Variants in KMT2A observed in about 807,000 individuals in gnomAD.
KMT2A encodes lysine methyltransferase 2A.
Under a neutral mutation model 345.3 loss-of-function variants are expected in KMT2A, and 16 were observed. The observed-to-expected ratio is 0.05, with a 90% CI of 0.03 to 0.07. KMT2A has a LOEUF of 0.07. KMT2A is among the 10% of genes least tolerant of loss of function. The pLI is 1.00. For synonymous variants in KMT2A, 1,599 were observed against 1,778.6 expected, an observed-to-expected ratio of 0.90 and a Z score of 2.54; for missense variants, 3,272 against 4,841.6, an observed-to-expected ratio of 0.68 and a Z score of 9.62.
Position 118,504,509 on chromosome 11 carries a change from T to C in KMT2A, c.8617T>C (p.Ser2873Pro). ...MQALGESPESSSSELLNLGEG... is the reference protein window; with the variant it reads ...MQALGESPESPSSELLNLGEG... ...GGCTTTGGGTGAGAGCCCAGAGTCA[T>C]CTTCATCAGAACTCCTGAATCTTGG... Residue 2873 changes from serine (S) to proline (P), a missense_variant, in exon 27 of 36, where the codon TCT becomes CCT. By Grantham distance (74) the Ser-to-Pro change is moderately conservative (BLOSUM62 -1). Around this residue, in one of 27 missense-constraint regions of KMT2A, gnomAD observed 17 missense variants for 50.6 expected, o/e 0.34. Coordinates refer to ENST00000534358, the MANE Select transcript of KMT2A (RefSeq NM_001197104.2). This position sits in a 1 kb window ranked among gnomAD's most constrained non-coding sequence, Gnocchi z 6.4. 6.2e-7 allele frequency: 1 copy of C among 1,614,200 alleles called. No individual in the cohort carries two copies. Among genetic ancestry groups the C allele is most frequent in the African/African-American group, 1.3e-5 (1 of 75,066 alleles).
chr11:118,517,621 C>G (rs1555051960), intron 31 of KMT2A, among the ~76,000 whole-genome samples: 3 of 152,068 alleles, frequency 2.0e-5, no homozygotes, highest in African/African-American at 4.8e-5. Context: ...AGGAGGATCA[C>G]TCGAGGCCAG....
rs1323135134 is a variant in KMT2A at position 118,491,456 on chromosome 11, C to T, written c.4819+138C>T. 1.9e-5 allele frequency: 16 copies of T among 844,958 alleles called. No homozygotes were observed. In the East Asian group the frequency reaches 4.4e-4, roughly 23 times the overall value. 52.3% of individuals were successfully genotyped at this position (844,958 alleles called of 1,614,324 possible). ...TTTATTTTTTAGTCTCTAGAATAAGCAGCATTGTATTATTTGTGCTCACTT... is the reference window on the plus strand; with the variant it reads ...TTTATTTTTTAGTCTCTAGAATAAGTAGCATTGTATTATTTGTGCTCACTT... On this transcript the variant is annotated intron_variant, in intron 14 of 35. Transcript: ENST00000534358. The surrounding 1 kb of genome is among the most constrained non-coding windows in gnomAD (Gnocchi z 4.2).
Position 118,521,207 on chromosome 11 carries a change from C to A in KMT2A, c.11514-81C>A. The A allele has an allele frequency of 6.8e-7, 1 of 1,472,076 alleles. No homozygotes were observed. The highest frequency in any genetic ancestry group is 9.4e-7 in the Non-Finnish European group (1 of 1,066,712). 91.2% of individuals were successfully genotyped at this position (1,472,076 alleles called of 1,614,324 possible). A position where few individuals can be genotyped will look rare whatever the true frequency, so the allele number is the denominator to read the frequency against. On this transcript the variant is annotated intron_variant, in intron 34 of 35. Coordinates refer to ENST00000534358, the MANE Select transcript of KMT2A (RefSeq NM_001197104.2). The surrounding 1 kb of genome is among the most constrained non-coding windows in gnomAD (Gnocchi z 5.3). ...TGTCCCTCCTGGGGAACTAACAGAC[C>A]AGGAGAACTTATTCATGTATTCACG...
At position 118,481,997 on chromosome 11, in the gene KMT2A, C is replaced by T. The variant is rs1555039426; in HGVS notation, c.3917C>T (p.Pro1306Leu). The T allele has an allele frequency of 3.1e-6, 5 of 1,614,048 alleles. No homozygotes were observed. The highest frequency in any genetic ancestry group is 2.7e-5 in the African/African-American group (2 of 74,914). The change falls in exon 7 of 36, where the codon CCG (proline) becomes CTG (leucine). Residue 1306 changes from proline (P) to leucine (L), a missense_variant. By Grantham distance (98) the Pro-to-Leu change is moderately conservative (BLOSUM62 -3). This residue lies in a region of KMT2A where 168 missense variants were observed against 216.0 expected (regional missense o/e 0.78). Transcript: ENST00000534358. ...GTCTCCCAGCCAGCACTGGTCATCC[C>T]GCCTCAGCCACCTACTACAGGACCG... ...KQVSQPALVI[P>L]PQPPTTGPPR...
intron 1 of KMT2A, among the ~76,000 whole-genome samples, chr11:118,456,319 T>G (rs577998661): frequency 1.3e-4 from 20 of 152,036 alleles, no homozygotes; most frequent in Non-Finnish European, 2.2e-4. Context: ...AGACCTCATC[T>G]CTACTAAAAA....
At chr11:118,517,395 CAAA>C (rs11436622) in intron 31 of KMT2A, among the ~76,000 whole-genome samples, 4 of 113,904 alleles carry the variant, frequency 3.5e-5, no homozygotes, top group Non-Finnish European at 5.2e-5. Context: ...GACTCTGTCT[CAAA>C]AAAAAAAAAA....
chr11:118,498,282 T>C lies in KMT2A; in HGVS notation c.5803-88T>C. 3.9e-6 allele frequency: 5 copies of C among 1,279,474 alleles called. No individual in the cohort carries two copies. The highest frequency in any genetic ancestry group is 1.4e-5 in the South Asian group (1 of 70,790). The allele number at this position is 1,279,474 out of a possible 1,614,324, so 79.3% of individuals were successfully genotyped here. On this transcript the variant is annotated intron_variant, in intron 21 of 35. Coordinates refer to ENST00000534358, the MANE Select transcript of KMT2A (RefSeq NM_001197104.2). This position sits in a 1 kb window ranked among gnomAD's most constrained non-coding sequence, Gnocchi z 4.4. ...TAGATAAAATGAATTGTAGGAACTG[T>C]AGAATGGGATGAGTCTATAGAGGAG...
Position 118,509,206 on chromosome 11 carries a change from TG to T in KMT2A, c.10900+9del. 1 of 1,610,876 alleles carries T rather than the reference TG, an allele frequency of 6.2e-7. No individual in the cohort carries two copies. On this transcript the variant is annotated splice_region_variant and intron_variant, in intron 29 of 35. Coordinates refer to ENST00000534358, the MANE Select transcript of KMT2A (RefSeq NM_001197104.2). ...AAATGAACAAGAAAGTGCAGGTATG[TG>T]GGTGGGTAAAAGGTTAGAATCAGAG...
rs781931131 is a variant in KMT2A, at chr11:118,468,705, G to A, written c.433-70G>A. ...CCAAATTCATTTGTGTCTCCTCTGG[G>A]CATTTCTTTGGGATGTGTTTGTATG... On this transcript the variant is annotated intron_variant, in intron 1 of 35. Coordinates refer to ENST00000534358, the MANE Select transcript of KMT2A (RefSeq NM_001197104.2). 6.8e-6 allele frequency: 8 copies of A among 1,171,006 alleles called. No individual in the cohort carries two copies. In the South Asian group the frequency reaches 9.7e-5, roughly 14 times the overall value. The allele number at this position is 1,171,006 out of a possible 1,614,324, so 72.5% of individuals were successfully genotyped here.
rs1555036242 is a variant in KMT2A at position 118,473,116 on chromosome 11, C to T, written c.1957C>T (p.Pro653Ser). 1.2e-6 allele frequency: 2 copies of T among 1,614,160 alleles called. No homozygotes were observed. Among genetic ancestry groups the T allele is most frequent in the South Asian group, 1.1e-5 (1 of 91,090 alleles). The change falls in exon 3 of 36, where the codon CCC (proline) becomes TCC (serine). Residue 653 changes from proline to serine, a missense_variant. By Grantham distance (74) the Pro-to-Ser change is moderately conservative. Transcript: ENST00000534358. The surrounding 1 kb of genome is among the most constrained non-coding windows in gnomAD (Gnocchi z 5.2). Reference sequence around the variant, plus strand: ...CAAACCAATATTTGATAATTTCCGACCCCCTCCACTAACTCCCGAGGACGT... The same window carrying T: ...CAAACCAATATTTGATAATTTCCGATCCCCTCCACTAACTCCCGAGGACGT... ...IRKPIFDNFRPPPLTPEDVGF... is the reference protein window; with the variant it reads ...IRKPIFDNFRSPPLTPEDVGF...
In KMT2A at chr11:118,525,011, A is replaced by G; in HGVS notation, c.*2839A>G. 1 of 213,420 alleles carries G rather than the reference A, an allele frequency of 4.7e-6. No individual in the cohort carries two copies. Among genetic ancestry groups the G allele is most frequent in the Non-Finnish European group, 9.5e-6 (1 of 105,164 alleles). 13.2% of individuals were successfully genotyped at this position (213,420 alleles called of 1,614,324 possible). ...CACAAAAATGAGAAATTCCTCTTCTAGCTCAGCCTTGAGTCCATTGCCAAA... is the reference window on the plus strand; with the variant it reads ...CACAAAAATGAGAAATTCCTCTTCTGGCTCAGCCTTGAGTCCATTGCCAAA... On this transcript the variant is annotated 3_prime_UTR_variant, in exon 36 of 36. Coordinates refer to ENST00000534358, the MANE Select transcript of KMT2A (RefSeq NM_001197104.2).
At position 118,503,112 on chromosome 11, in the gene KMT2A, T is replaced by A; in HGVS notation, c.7220T>A (p.Leu2407Gln). ...DEDTEVKTLK[L>Q]SGMSNRSSII... The stretch of plus-strand genomic sequence containing the variant: ...GATACTGAAGTCAAAACCTTGAAGC[T>A]ATCTGGAATGAGCAACAGATCATCC... The change falls in exon 27 of 36, where the codon CTA becomes CAA. Residue 2407 changes from leucine (L) to glutamine (Q), a missense_variant. Transcript: ENST00000534358. This position sits in a 1 kb window ranked among gnomAD's most constrained non-coding sequence, Gnocchi z 5.3. 1.9e-6 allele frequency: 3 copies of A among 1,613,504 alleles called. No individual in the cohort carries two copies. The highest frequency in any genetic ancestry group is 2.5e-6 in the Non-Finnish European group (3 of 1,180,000).
In KMT2A at chr11:118,502,274, T is replaced by C. The variant is rs1388133127; in HGVS notation, c.6506-124T>C. ...TCTCAAAAAAGTAATAATAAATAAA[T>C]AGAAAATGTAGATTTCCAGTTACCT... On this transcript the variant is annotated intron_variant, in intron 26 of 35. Transcript: ENST00000534358. This position sits in a 1 kb window ranked among gnomAD's most constrained non-coding sequence, Gnocchi z 4.9. 2 of 575,500 alleles carry C rather than the reference T, an allele frequency of 3.5e-6. No homozygotes were observed. The highest frequency in any genetic ancestry group is 1.9e-5 in the African/African-American group (1 of 51,618). 35.6% of individuals were successfully genotyped at this position (575,500 alleles called of 1,614,324 possible). A position where few individuals can be genotyped will look rare whatever the true frequency, so the allele number is the denominator to read the frequency against.
chr11:118,499,751 G>T (rs530393782), intron 23 of KMT2A, 84 bp from the exon 24 acceptor site: 1 of 1,062,184 alleles, frequency 9.4e-7, no homozygotes, highest in African/African-American at 1.6e-5. Flanking sequence ...CTGCATTCCA[G>T]CCTGGGCGAC....
Position 118,520,029 on chromosome 11 carries a change from TGAA to T in KMT2A, c.11400_11402del (p.Glu3803del), listed in dbSNP as rs1331000839. ...AGCCTCCTGAATACAACCCCAATGA[TGAA>T]GAAGAGGAGGAGGTACAGCTGAAGT... On this transcript the variant is annotated inframe_deletion, in exon 33 of 36. Transcript: ENST00000534358. The surrounding 1 kb of genome is among the most constrained non-coding windows in gnomAD (Gnocchi z 4.3). The T allele has an allele frequency of 6.2e-7, 1 of 1,614,074 alleles. No homozygotes were observed. Among genetic ancestry groups the T allele is most frequent in the Non-Finnish European group, 8.5e-7 (1 of 1,179,940 alleles).
chr11:118,455,189 C>T (rs896709174), intron 1 of KMT2A, among the ~76,000 whole-genome samples: 14 of 152,122 alleles, frequency 9.2e-5, no homozygotes, highest in African/African-American at 3.1e-4. Flanking sequence ...CCATGCCCAG[C>T]CCCTAGTGTC....
At chr11:118,480,303 C>A in intron 6 of KMT2A, 65 bp downstream of exon 6, 3 of 1,222,810 alleles carry the variant, frequency 2.5e-6, no homozygotes, top group Non-Finnish European at 3.6e-6. Flanking sequence ...GTTGTATACA[C>A]CCAGTAGAAG....
intron 1 of KMT2A, among the ~76,000 whole-genome samples, chr11:118,452,655 A>C (rs544878736): frequency 4.6e-4 from 61 of 133,512 alleles, no homozygotes; most frequent in African/African-American, 1.6e-3. Flanking sequence ...TTTTTTTGAG[A>C]TGGAGTCTCA....
At position 118,503,334 on chromosome 11, in the gene KMT2A, C is replaced by A; in HGVS notation, c.7442C>A (p.Pro2481Gln). Residue 2481 changes from proline (P) to glutamine (Q), a missense_variant, in exon 27 of 36, where the codon CCA becomes CAA. Physicochemically the swap from Pro to Gln is moderately conservative, Grantham distance 76 (BLOSUM62 -1). Transcript: ENST00000534358. The surrounding 1 kb of genome is among the most constrained non-coding windows in gnomAD (Gnocchi z 5.3). ...ACTCCTGAGTATATGGGCCAACGAC[C>A]ATGTAACAATGTTTCTTCTGATAAG... is the stretch of plus-strand genomic sequence containing the variant. Reference protein sequence around the residue: ...VLTPEYMGQRPCNNVSSDKIG... With the variant: ...VLTPEYMGQRQCNNVSSDKIG... 6.2e-7 allele frequency: 1 copy of A among 1,614,048 alleles called. No individual in the cohort carries two copies. The highest frequency in any genetic ancestry group is 8.5e-7 in the Non-Finnish European group (1 of 1,179,982).
Sources: allele counts gnomAD v4.1 joint callset (sites outside exome capture counted in the v4.1 genomes callset), GRCh38; gene constraint gnomAD v4.1.1; regional missense constraint gnomAD v4.1.1; non-coding constraint Gnocchi (gnomAD v3.1); transcripts MANE v1.5; gene names NCBI Gene and HGNC (gene_info 2026-07-23, HGNC 2026-07-21).